Variants in CSMD1 observed in about 807,000 individuals in gnomAD.
CSMD1 encodes the protein CUB and Sushi multiple domains 1, also known as CUB and sushi domain-containing protein 1.
CSMD1 carries 213 observed loss-of-function variants against 417.5 expected under a neutral mutation model. The observed-to-expected ratio is 0.51, with a 90% confidence interval of 0.46 to 0.57. The LOEUF (loss-of-function observed/expected upper bound fraction) is 0.57. CSMD1 is among the 20% of genes least tolerant of loss of function. The pLI is 0.00. For missense variants in CSMD1, 6,923 were observed against 4,529.7 expected (o/e 1.53, Z -15.17); for synonymous variants, 2,862 against 1,736.8 (o/e 1.65, Z -16.11).
intron 51 of CSMD1, 23 bp from the exon 52 acceptor site, chr8:3,018,673 G>A: frequency 1.3e-6 from 2 of 1,599,394 alleles, no homozygotes; most frequent in South Asian, 1.1e-5. Context: ...ACAATAAAAT[G>A]AACATCAATT....
chr8:4,952,611 A>C (rs1425112429), intron 1 of CSMD1, among the ~76,000 whole-genome samples: 1 of 152,076 alleles, frequency 6.6e-6, no homozygotes, highest in Non-Finnish European at 1.5e-5. Flanking sequence ...CACAATTCAC[A>C]ATTAGAGCAT....
intron 3 of CSMD1, among the ~76,000 whole-genome samples, chr8:4,045,160 G>C (rs61735725): frequency 1.3e-5 from 2 of 152,286 alleles, no homozygotes; most frequent in African/African-American, 2.4e-5. Context: ...CCACGCAGTC[G>C]TGGGCTGGGG....
chr8:4,321,218 C>T (rs1368286241), intron 3 of CSMD1, among the ~76,000 whole-genome samples: 9 of 152,058 alleles, frequency 5.9e-5, no homozygotes, highest in Non-Finnish European at 1.0e-4. Flanking sequence ...TGCATGAACA[C>T]GTTCATGAGG....
chr8:3,476,275 G>C (rs143639604), intron 11 of CSMD1, among the ~76,000 whole-genome samples: 318 of 152,300 alleles, frequency 2.1e-3, no homozygotes, highest in African/African-American at 7.3e-3. Context: ...TTCCCATGTT[G>C]TTGTGTGTAT....
chr8:4,044,290 C>G (rs926422826), intron 3 of CSMD1, among the ~76,000 whole-genome samples: 7 of 152,124 alleles, frequency 4.6e-5, no homozygotes, highest in African/African-American at 1.7e-4. Flanking sequence ...AAAGGAAAAA[C>G]AGAGAAATCA....
chr8:4,463,132 G>A (rs1337247038), intron 2 of CSMD1, among the ~76,000 whole-genome samples: 1 of 152,066 alleles, frequency 6.6e-6, no homozygotes, highest in Non-Finnish European at 1.5e-5. Flanking sequence ...CACAATAATC[G>A]AATAGACGCT....
chr8:3,255,352 G>C (rs911859072), intron 26 of CSMD1, among the ~76,000 whole-genome samples: 1 of 152,200 alleles, frequency 6.6e-6, no homozygotes, highest in African/African-American at 2.4e-5. Flanking sequence ...TCCATTCTCA[G>C]ATCTCAAGCT....
At chr8:4,383,925 C>T (rs990177410) in intron 3 of CSMD1, among the ~76,000 whole-genome samples, 5 of 151,800 alleles carry the variant, frequency 3.3e-5, no homozygotes, top group East Asian at 1.9e-4. Context: ...AATATGATAC[C>T]GTGAAGAAAA....
rs145541089 is a variant in CSMD1 at position 4,740,708 on chromosome 8, C to A, written c.86-103150G>T. The stretch of plus-strand genomic sequence containing the variant: ...TCAAGGAGGGTGAGGTTGAAGTGAG[C>A]CATCTCTGCACTCTAGCATGGGCAA... On this transcript the variant is annotated intron_variant, in intron 1 of 69. Transcript: ENST00000635120. 7.3e-3 allele frequency among the ~76,000 whole-genome samples: 1,111 copies of A among 152,236 alleles called. 6 individuals are homozygous for A. Among genetic ancestry groups the A allele is most frequent in the Non-Finnish European group, 0.012 (790 of 68,004 alleles).
intron 53 of CSMD1, among the ~76,000 whole-genome samples, chr8:2,998,789 G>A (rs965585838): frequency 1.3e-5 from 2 of 152,156 alleles, no homozygotes; most frequent in Admixed American, 1.3e-4. Flanking sequence ...ACAGATCAGG[G>A]AGAGATATCC....
At chr8:3,602,955 T>A (rs1015600360) in intron 8 of CSMD1, among the ~76,000 whole-genome samples, 4 of 152,178 alleles carry the variant, frequency 2.6e-5, no homozygotes, top group African/African-American at 9.7e-5. Flanking sequence ...TTTATTTTGA[T>A]GAAAAAATTA....
At chr8:4,950,103 G>C (rs1436151561) in intron 1 of CSMD1, among the ~76,000 whole-genome samples, 2 of 115,546 alleles carry the variant, frequency 1.7e-5, no homozygotes, top group African/African-American at 2.8e-5. Flanking sequence ...ATAAAACATA[G>C]AAATGTTTCA....
At chr8:3,928,791 C>T (rs1312240001) in intron 5 of CSMD1, among the ~76,000 whole-genome samples, 3 of 143,998 alleles carry the variant, frequency 2.1e-5, no homozygotes, top group South Asian at 2.4e-4. Context: ...CGCCCACCCC[C>T]GGGCCAGTTC....
At chr8:4,355,624 G>C (rs1264159182) in intron 3 of CSMD1, among the ~76,000 whole-genome samples, 1 of 152,162 alleles carries the variant, frequency 6.6e-6, no homozygotes, top group Non-Finnish European at 1.5e-5. Flanking sequence ...GTTAAATATT[G>C]CTTACAGAAA....
chr8:4,262,932 G>A (rs947370791), intron 3 of CSMD1, among the ~76,000 whole-genome samples: 1 of 152,108 alleles, frequency 6.6e-6, no homozygotes, highest in Non-Finnish European at 1.5e-5. Context: ...TGAACCATAA[G>A]AACATTAGTT....
intron 1 of CSMD1, among the ~76,000 whole-genome samples, chr8:4,959,040 T>C (rs1809304481): frequency 6.6e-6 from 1 of 152,210 alleles, no homozygotes; most frequent in Non-Finnish European, 1.5e-5. Context: ...AGCCATGCTA[T>C]ATAGTATATG....
chr8:4,638,712 T>A (rs891668858), intron 1 of CSMD1, among the ~76,000 whole-genome samples: 4 of 152,136 alleles, frequency 2.6e-5, no homozygotes, highest in African/African-American at 9.7e-5. Context: ...AGCCCTCCCT[T>A]AAGAACTTCC....
intron 1 of CSMD1, among the ~76,000 whole-genome samples, chr8:4,771,738 T>A (rs1208021286): frequency 6.6e-6 from 1 of 152,202 alleles, no homozygotes; most frequent in African/African-American, 2.4e-5. Flanking sequence ...GAAGTCTATA[T>A]GAGAGATGAT....
chr8:3,870,659 T>C (rs62482692), intron 5 of CSMD1, among the ~76,000 whole-genome samples: 12,140 of 152,228 alleles, frequency 0.08, 535 homozygotes, highest in South Asian at 0.15. Flanking sequence ...TTTTTGCTTT[T>C]ATTTACCTGA....
Sources: gnomAD v4.1 joint callset for allele counts (sites outside exome capture counted in the v4.1 genomes callset) on GRCh38, gnomAD v4.1.1 for gene constraint, MANE v1.5 for transcripts, NCBI Gene and HGNC (gene_info 2026-07-23, HGNC 2026-07-21) for gene names.